Variants in RBFOX1 observed in about 807,000 individuals in gnomAD.
RBFOX1 encodes RNA binding protein fox-1 homolog 1.
RBFOX1 carries 8 observed loss-of-function variants against 57.7 expected under a neutral mutation model. The ratio of observed to expected loss-of-function variants is 0.14; its 90% CI spans 0.08 to 0.25. The LOEUF (loss-of-function observed/expected upper bound fraction) is 0.25. Among genes scored for constraint, RBFOX1 ranks in the 10% least tolerant of loss-of-function variants. The pLI, the probability that RBFOX1 is intolerant of heterozygous loss-of-function variation, is 1.00. For missense variants in RBFOX1, 611 were observed against 548.5 expected (o/e 1.11, Z -1.14); for synonymous variants, 326 against 222.4 (o/e 1.47, Z -4.15).
intron 3 of RBFOX1, among the ~76,000 whole-genome samples, chr16:6,723,487 GA>G (rs1031085910): frequency 6.6e-6 from 1 of 152,102 alleles, no homozygotes; most frequent in Non-Finnish European, 1.5e-5. Context: ...GATCTGGGTA[GA>G]AAAAATAATA....
intron 3 of RBFOX1, among the ~76,000 whole-genome samples, chr16:6,957,206 A>T (rs1447965403): frequency 6.7e-6 from 1 of 149,262 alleles, no homozygotes; most frequent in African/African-American, 2.5e-5. Flanking sequence ...ATCTCGGCTC[A>T]CTGCAAGCTC....
intron 2 of RBFOX1, among the ~76,000 whole-genome samples, chr16:6,633,215 G>T (rs1208699128): frequency 6.6e-6 from 1 of 152,108 alleles, no homozygotes; most frequent in Admixed American, 6.6e-5. Flanking sequence ...CACATCAGTG[G>T]CTTATAGACC....
intron 2 of RBFOX1, among the ~76,000 whole-genome samples, chr16:6,588,616 C>T (rs1484465554): frequency 3.9e-5 from 6 of 152,264 alleles, no homozygotes; most frequent in Admixed American, 2.6e-4. Flanking sequence ...CATGCCACTG[C>T]ACTCCAGTCT....
intron 3 of RBFOX1, among the ~76,000 whole-genome samples, chr16:6,948,665 A>AG (rs1353800854): frequency 1.3e-5 from 2 of 151,998 alleles, no homozygotes; most frequent in African/African-American, 4.8e-5. Context: ...TACAAGCGTG[A>AG]GCCACCACGC....
intron 3 of RBFOX1, among the ~76,000 whole-genome samples, chr16:6,724,818 C>T (rs1163026449): frequency 2.6e-5 from 4 of 151,940 alleles, no homozygotes; most frequent in African/African-American, 4.8e-5. Context: ...TTGTGATTTG[C>T]TTCACCTATC....
chr16:5,896,465 C>A (rs533311920), intron 4 of RBFOX1, among the ~76,000 whole-genome samples: 3 of 152,178 alleles, frequency 2.0e-5, no homozygotes, highest in African/African-American at 2.4e-5. Context: ...TCCTCTCTTG[C>A]CATGGCTTCT....
chr16:5,820,886 A>G (rs952449737), intron 3 of RBFOX1, among the ~76,000 whole-genome samples: 4 of 152,084 alleles, frequency 2.6e-5, no homozygotes, highest in African/African-American at 9.7e-5. Context: ...CTCCTCTCTG[A>G]TTGATGGTTT....
intron 4 of RBFOX1, among the ~76,000 whole-genome samples, chr16:7,194,473 G>C (rs2086193973): frequency 6.6e-6 from 1 of 152,186 alleles, no homozygotes; most frequent in South Asian, 2.1e-4. Context: ...AACGGCTAGA[G>C]TTTGGGAAAA....
chr16:6,875,506 C>G (rs1254890583), intron 3 of RBFOX1, among the ~76,000 whole-genome samples: 2 of 152,116 alleles, frequency 1.3e-5, no homozygotes, highest in South Asian at 2.1e-4. Context: ...CAGTATACAT[C>G]AATTCAGTGC....
chr16:5,964,640 C>T (rs2059809755), intron 4 of RBFOX1, among the ~76,000 whole-genome samples: 1 of 151,824 alleles, frequency 6.6e-6, no homozygotes. Context: ...TACACATATA[C>T]ACACACATAT....
intron 3 of RBFOX1, among the ~76,000 whole-genome samples, chr16:6,894,738 T>A (rs552234738): frequency 1.3e-5 from 2 of 152,310 alleles, no homozygotes; most frequent in South Asian, 4.1e-4. Context: ...TACCAACAGA[T>A]TGTATCAGTT....
At chr16:6,448,443 C>T (rs375123031) in intron 2 of RBFOX1, among the ~76,000 whole-genome samples, 2 of 152,144 alleles carry the variant, frequency 1.3e-5, no homozygotes, top group Non-Finnish European at 1.5e-5. Flanking sequence ...AGACGTGAGC[C>T]ACTGCGCCCA....
chr16:5,341,527 C>G (rs1051692124), intron 1 of RBFOX1, among the ~76,000 whole-genome samples: 1 of 152,090 alleles, frequency 6.6e-6, no homozygotes, highest in African/African-American at 2.4e-5. Flanking sequence ...GGGAAAAGAA[C>G]TGAGATATTC....
At chr16:6,661,663 G>C (rs938587489) in intron 3 of RBFOX1, among the ~76,000 whole-genome samples, 10 of 152,212 alleles carry the variant, frequency 6.6e-5, no homozygotes, top group African/African-American at 2.4e-4. Flanking sequence ...GGCCCTGGGT[G>C]AATGCAGGAA....
intron 2 of RBFOX1, among the ~76,000 whole-genome samples, chr16:5,591,441 G>A (rs1386696948): frequency 6.6e-6 from 1 of 152,030 alleles, no homozygotes; most frequent in African/African-American, 2.4e-5. Context: ...AGTAGAGATG[G>A]GGTTTCACCA....
intron 2 of RBFOX1, among the ~76,000 whole-genome samples, chr16:5,582,466 A>C (rs2046700668): frequency 6.6e-6 from 1 of 151,722 alleles, no homozygotes; most frequent in Non-Finnish European, 1.5e-5. Flanking sequence ...GGAAACCAAG[A>C]CCAGAGAGGT....
intron 3 of RBFOX1, among the ~76,000 whole-genome samples, chr16:6,810,044 G>A (rs563191506): frequency 3.3e-5 from 4 of 121,746 alleles, no homozygotes; most frequent in African/African-American, 1.2e-4. Flanking sequence ...TTTTTTTTCT[G>A]TTAATAAGTA....
intron 2 of RBFOX1, among the ~76,000 whole-genome samples, chr16:6,650,695 C>G (rs1005673926): frequency 6.6e-6 from 1 of 152,160 alleles, no homozygotes; most frequent in Non-Finnish European, 1.5e-5. Flanking sequence ...CGAGTCTTCA[C>G]CTTATGATAT....
chr16:7,137,446 G>T (rs568164378), intron 4 of RBFOX1, among the ~76,000 whole-genome samples: 2 of 152,208 alleles, frequency 1.3e-5, no homozygotes, highest in East Asian at 3.9e-4. Context: ...TTTTATAAGG[G>T]GAAACCCCTT....
Sources: gnomAD v4.1 joint callset for allele counts (sites outside exome capture counted in the v4.1 genomes callset) on GRCh38, gnomAD v4.1.1 for gene constraint, MANE v1.5 for transcripts, NCBI Gene and HGNC (gene_info 2026-07-23, HGNC 2026-07-21) for gene names.